Variants in RASEF observed in about 807,000 individuals in gnomAD.
The protein encoded by RASEF is ras and EF-hand domain-containing protein.
In RASEF, 68 loss-of-function variants were observed where a neutral mutation model predicts 90.1. The ratio of observed to expected loss-of-function variants is 0.75; its 90% confidence interval spans 0.62 to 0.92. The LOEUF (loss-of-function observed/expected upper bound fraction) is 0.92, where lower values mean the gene tolerates loss of function less well. RASEF is among the 40% of genes least tolerant of loss of function. RASEF has a pLI of 0.00. For missense variants in RASEF, 949 were observed against 937.2 expected (o/e 1.01, Z -0.16); for synonymous variants, 331 against 345.2 (o/e 0.96, Z 0.46).
At chr9:83,082,165 G>C in the RASEF span, among the ~76,000 whole-genome samples, 65 of 152,270 alleles carry the variant, frequency 4.3e-4, no homozygotes, top group African/African-American at 1.5e-3. Flanking sequence ...CGGAAAAAAC[G>C]ATCCTCGTTC....
the RASEF span, among the ~76,000 whole-genome samples, chr9:83,141,198 A>C: frequency 6.6e-6 from 1 of 152,064 alleles, no homozygotes; most frequent in South Asian, 2.1e-4. Context: ...TAAAGAACTA[A>C]ACAAGTGTAA....
the RASEF span, among the ~76,000 whole-genome samples, chr9:83,173,355 T>TGTAC: frequency 6.6e-6 from 1 of 152,048 alleles, no homozygotes; most frequent in East Asian, 1.9e-4. Context: ...TACATCCTCT[T>TGTAC]TATGGCCACC....
upstream of RASEF, among the ~76,000 whole-genome samples, chr9:83,066,509 T>G (rs148649661): frequency 6.6e-6 from 1 of 152,312 alleles, no homozygotes; most frequent in East Asian, 1.9e-4. Context: ...AGGAGGTGCT[T>G]CTTTTTATTT....
At chr9:83,210,688 A>AT in the RASEF span, among the ~76,000 whole-genome samples, 3 of 152,350 alleles carry the variant, frequency 2.0e-5, no homozygotes, top group South Asian at 6.2e-4. Flanking sequence ...GGTCATTTTA[A>AT]TTTTTGTTTC....
intron 16 of RASEF, among the ~76,000 whole-genome samples, chr9:82,983,783 G>A (rs545794001): frequency 1.3e-5 from 2 of 152,356 alleles, no homozygotes; most frequent in South Asian, 4.1e-4. Context: ...GGTTCAAGGA[G>A]TCCAGGGTTC....
chr9:83,033,496 C>T (rs543469235), intron 1 of RASEF, among the ~76,000 whole-genome samples: 9 of 152,230 alleles, frequency 5.9e-5, no homozygotes, highest in South Asian at 4.2e-4. Context: ...CTGTGCACAG[C>T]GTCAGGCAGG....
chr9:83,079,855 G>C, the RASEF span, among the ~76,000 whole-genome samples: 9 of 151,270 alleles, frequency 5.9e-5, no homozygotes, highest in African/African-American at 2.2e-4. Flanking sequence ...TATGAGATTT[G>C]GGCATGGACA....
At chr9:83,076,458 A>C in the RASEF span, among the ~76,000 whole-genome samples, 1 of 152,138 alleles carries the variant, frequency 6.6e-6, no homozygotes, top group Admixed American at 6.5e-5. Flanking sequence ...CATTTGCCAC[A>C]AAATGAGGTA....
chr9:83,102,236 C>A, the RASEF span, among the ~76,000 whole-genome samples: 1 of 152,106 alleles, frequency 6.6e-6, no homozygotes, highest in Non-Finnish European at 1.5e-5. Flanking sequence ...GCCACCACGC[C>A]CAGCTAATTT....
At chr9:83,019,712 G>A (rs1829408670) in intron 3 of RASEF, among the ~76,000 whole-genome samples, 1 of 152,148 alleles carries the variant, frequency 6.6e-6, no homozygotes. Context: ...AAACACTGTG[G>A]TACCCCTACG....
At chr9:83,134,408 GCGCACA>G in the RASEF span, among the ~76,000 whole-genome samples, 3,700 of 135,962 alleles carry the variant, frequency 0.027, 171 homozygotes, top group African/African-American at 0.1. Context: ...GATCACAATA[GCGCACA>G]CACACACACA....
At chr9:82,998,635 G>C (rs1419248563) in intron 12 of RASEF, among the ~76,000 whole-genome samples, 189 bp from the exon 13 acceptor site, 1 of 152,176 alleles carries the variant, frequency 6.6e-6, no homozygotes, top group Non-Finnish European at 1.5e-5. Flanking sequence ...TGTGTGCAGA[G>C]GCACCATCTG....
chr9:83,168,629 A>C, the RASEF span, among the ~76,000 whole-genome samples: 11 of 152,132 alleles, frequency 7.2e-5, no homozygotes, highest in African/African-American at 2.7e-4. Context: ...AAAAGCAAAT[A>C]CTCCAATTTA....
chr9:83,165,323 G>A, the RASEF span, among the ~76,000 whole-genome samples: 1 of 151,970 alleles, frequency 6.6e-6, no homozygotes, highest in African/African-American at 2.4e-5. Flanking sequence ...AGGCCACAAA[G>A]GAATTAAACC....
the RASEF span, among the ~76,000 whole-genome samples, chr9:83,086,068 A>C: frequency 1.3e-5 from 2 of 152,222 alleles, no homozygotes; most frequent in Non-Finnish European, 2.9e-5. Flanking sequence ...TCTTTAAAAA[A>C]ACTTTCAGGT....
the RASEF span, among the ~76,000 whole-genome samples, chr9:83,089,892 T>TGATAGATAGATA: frequency 2.1e-4 from 30 of 145,074 alleles, no homozygotes; most frequent in East Asian, 6.1e-4. Flanking sequence ...TATAGATAGA[T>TGATAGATAGATA]GATAGATAGA....
At chr9:83,086,081 C>T in the RASEF span, among the ~76,000 whole-genome samples, 39 of 152,230 alleles carry the variant, frequency 2.6e-4, no homozygotes, top group Non-Finnish European at 4.9e-4. Context: ...TTTCAGGTGG[C>T]TTTGGCAAAG....
At chr9:82,988,622 C>T (rs1828756531) in intron 16 of RASEF, among the ~76,000 whole-genome samples, 1 of 152,058 alleles carries the variant, frequency 6.6e-6, no homozygotes. Context: ...TGAGTGAGTT[C>T]TCGCTCTGAG....
At chr9:83,131,344 A>AG in the RASEF span, among the ~76,000 whole-genome samples, 1 of 152,310 alleles carries the variant, frequency 6.6e-6, no homozygotes, top group African/African-American at 2.4e-5. Context: ...AGAGAAGAGG[A>AG]GGGGTATTGT....
Sources: allele counts gnomAD v4.1 joint callset (sites outside exome capture counted in the v4.1 genomes callset), GRCh38; gene constraint gnomAD v4.1.1; transcripts MANE v1.5; gene names NCBI Gene and HGNC (gene_info 2026-07-23, HGNC 2026-07-21).